Variants in TM2D3 observed in about 807,000 individuals in gnomAD.
TM2D3 encodes TM2 domain containing 3, also known as TM2 domain-containing protein 3.
Under a neutral mutation model 27.3 loss-of-function variants are expected in TM2D3, and 33 were observed. The observed-to-expected ratio is 1.21, with a 90% CI of 0.92 to 1.61. The LOEUF (loss-of-function observed/expected upper bound fraction) is 1.61. TM2D3 is among the 40% of genes most tolerant of loss of function. TM2D3 has a pLI of 0.00. For synonymous variants in TM2D3, 138 were observed against 122.2 expected, an observed-to-expected ratio of 1.13 and a Z score of -0.85; for missense variants, 364 against 320.8, an observed-to-expected ratio of 1.13 and a Z score of -1.03.
At chr15:101,643,400 AG>A (rs1274091997) in intron 5 of TM2D3, among the ~76,000 whole-genome samples, 2 of 151,998 alleles carry the variant, frequency 1.3e-5, no homozygotes, top group Admixed American at 1.3e-4. Flanking sequence ...CAGGAGATCC[AG>A]ACCATCCTGG....
rs772740323 is a variant in TM2D3 at position 101,646,769 on chromosome 15, C to T, written c.458G>A (p.Arg153His). ...SCMTVSCPRQRYPANCTVRDH... is the reference protein window; with the variant it reads ...SCMTVSCPRQHYPANCTVRDH... ...CCGCACCGTGCAGTTGGCAGGGTAG[C>T]GCTGCCGAGGACAGGACACCGTCAT... The change falls in exon 4 of 6, where the codon CGC becomes CAC. Residue 153 changes from arginine to histidine, a missense_variant. By Grantham distance (29) the Arg-to-His change is conservative. Coordinates refer to ENST00000333202, the MANE Select transcript of TM2D3 (RefSeq NM_078474.3). 3.7e-6 allele frequency: 6 copies of T among 1,614,160 alleles called. No homozygotes were observed. The highest frequency in any genetic ancestry group is 1.1e-5 in the South Asian group (1 of 91,088).
At chr15:101,648,288 G>T (rs1199324327) in intron 3 of TM2D3, 1 of 152,100 alleles carries the variant, frequency 6.6e-6, no homozygotes, top group Non-Finnish European at 1.5e-5. Flanking sequence ...TCCAACTTTG[G>T]CATATGCGCT....
At chr15:101,635,022 T>C (rs1028570207) in intron 4 of TM2D3, 1 of 152,128 alleles carries the variant, frequency 6.6e-6, no homozygotes, top group Non-Finnish European at 1.5e-5. Context: ...TAGCCCACCA[T>C]GGTGATGCAG....
intron 4 of TM2D3, chr15:101,634,798 T>C (rs1280414435): frequency 6.6e-6 from 1 of 152,234 alleles, no homozygotes; most frequent in African/African-American, 2.4e-5. Context: ...ATCTTGAAAA[T>C]GTCTTTGAGG....
chr15:101,643,626 A>T (rs1896728707), intron 5 of TM2D3, among the ~76,000 whole-genome samples: 7 of 111,142 alleles, frequency 6.3e-5, no homozygotes, highest in African/African-American at 2.5e-4. Context: ...AAAAAAAGCA[A>T]AAAAAAAAAA....
chr15:101,638,704 G>A (rs1269548788), downstream of TM2D3, among the ~76,000 whole-genome samples: 3 of 152,024 alleles, frequency 2.0e-5, no homozygotes, highest in Admixed American at 6.6e-5. Flanking sequence ...ATTTTTTGAC[G>A]TTTTTGGCAT....
In TM2D3 at chr15:101,650,117, C is replaced by T; in HGVS notation, c.214G>A (p.Gly72Ser). Residue 72 changes from glycine to serine, a missense_variant, in exon 3 of 6, where the codon GGT becomes AGT. Gly to Ser is a moderately conservative substitution (Grantham distance 56, BLOSUM62 0). Transcript: ENST00000333202. ...PPYVMKCPSN[G>S]LCSRLPADCI... ...TCTGCAGGAAGCCTGCTACACAAACCATTGCTCGGACACTTCATCACATAA... is the reference window on the plus strand; with the variant it reads ...TCTGCAGGAAGCCTGCTACACAAACTATTGCTCGGACACTTCATCACATAA... The T allele has an allele frequency of 6.2e-7, 1 of 1,614,100 alleles. No individual in the cohort carries two copies. The highest frequency in any genetic ancestry group is 8.5e-7 in the Non-Finnish European group (1 of 1,179,998).
In TM2D3 at chr15:101,651,788, C is replaced by A; in HGVS notation, c.92-15G>T. 6 of 1,613,768 alleles carry A rather than the reference C, an allele frequency of 3.7e-6. No individual in the cohort carries two copies. Among genetic ancestry groups the A allele is most frequent in the Non-Finnish European group, 5.1e-6 (6 of 1,179,718 alleles). ...CTGCGATTGCTCTAAATTTAAGGATCGTACAATTAGAGAAACACGTTATCC... is the reference window on the plus strand; with the variant it reads ...CTGCGATTGCTCTAAATTTAAGGATAGTACAATTAGAGAAACACGTTATCC... On this transcript the variant is annotated splice_polypyrimidine_tract_variant and intron_variant, in intron 1 of 5. Transcript: ENST00000333202.
At chr15:101,649,333 C>A (rs1338051487) in intron 3 of TM2D3, among the ~76,000 whole-genome samples, 1 of 151,980 alleles carries the variant, frequency 6.6e-6, no homozygotes, top group African/African-American at 2.4e-5. Context: ...CAGAAATCTC[C>A]AATTTTTAGG....
rs1596262517 is a variant in TM2D3 at position 101,642,492 on chromosome 15, G to C, written c.731C>G (p.Ser244Cys). 1.2e-6 allele frequency: 2 copies of C among 1,611,742 alleles called. No individual in the cohort carries two copies. Among genetic ancestry groups the C allele is most frequent in the Non-Finnish European group, 8.5e-7 (1 of 1,178,750 alleles). The change falls in exon 6 of 6, where the codon TCT (serine) becomes TGT (cysteine). Residue 244 changes from serine (S) to cysteine (C), a missense_variant. Ser to Cys is a moderately radical substitution (Grantham distance 112, BLOSUM62 -1). Coordinates refer to ENST00000333202, the MANE Select transcript of TM2D3 (RefSeq NM_078474.3). ...GVGYVGPADGSLYI is the reference protein window; with the variant it reads ...GVGYVGPADGCLYI ...CACACACCACAGCTAAATGTACAAA[G>C]AGCCATCTGCTGGTCCAACATAGCC... is the stretch of plus-strand genomic sequence containing the variant.
chr15:101,639,241 C>T (rs759546488), downstream of TM2D3, among the ~76,000 whole-genome samples: 2 of 152,076 alleles, frequency 1.3e-5, no homozygotes, highest in African/African-American at 4.8e-5. Flanking sequence ...GAAACGCATA[C>T]GATGTATATA....
chr15:101,648,432 A>G (rs2141367780), intron 3 of TM2D3: 1 of 152,302 alleles, frequency 6.6e-6, no homozygotes, highest in Middle Eastern at 3.4e-3. Flanking sequence ...ACATCTGCCT[A>G]TTTTCAGTGA....
Position 101,651,764 on chromosome 15 carries a change from T to C in TM2D3, c.101A>G (p.Gln34Arg), listed in dbSNP as rs2141371174. The C allele has an allele frequency of 6.2e-7, 1 of 1,614,126 alleles. No homozygotes were observed. The highest frequency in any genetic ancestry group is 2.2e-5 in the East Asian group (1 of 44,880). Residue 34 changes from glutamine (Q) to arginine (R), a missense_variant, in exon 2 of 6, where the codon CAG (glutamine) becomes CGG (arginine). Transcript: ENST00000333202. ...ATCCTTTATTGACTGAGCCAGCGCC[T>C]GCGATTGCTCTAAATTTAAGGATCG... is the stretch of plus-strand genomic sequence containing the variant. ...FCILSGGEQS[Q>R]ALAQSIKDPG... is the part of the protein sequence containing the mutation.
chr15:101,645,197 TA>T (rs1896774469), intron 4 of TM2D3, 35 bp from the exon 5 acceptor site: 1 of 1,511,780 alleles, frequency 6.6e-7, no homozygotes. Flanking sequence ...ATACAGGGTA[TA>T]AAAAATACTC....
Position 101,642,656 on chromosome 15 carries a change from A to G in TM2D3, c.579-12T>C. ...CACCGAGGGTGATGCTGCGATGGCA[A>G]ACAGACAGGATTCCATGAGACCACC... On this transcript the variant is annotated splice_polypyrimidine_tract_variant and intron_variant, in intron 5 of 5. Transcript: ENST00000333202. The G allele has an allele frequency of 1.3e-6, 2 of 1,586,310 alleles. No individual in the cohort carries two copies. Among genetic ancestry groups the G allele is most frequent in the Non-Finnish European group, 1.7e-6 (2 of 1,164,130 alleles).
At chr15:101,651,384 G>A in intron 2 of TM2D3, 1 of 314,578 alleles carries the variant, frequency 3.2e-6, no homozygotes, top group East Asian at 7.1e-5. Flanking sequence ...AGCAGTAGAG[G>A]AAATTTGCTG....
At chr15:101,649,927 A>G in intron 3 of TM2D3, 77 bp downstream of exon 3, 2 of 1,349,062 alleles carry the variant, frequency 1.5e-6, no homozygotes, top group East Asian at 2.4e-5. Flanking sequence ...TTTCTTCCCA[A>G]TAATCAAGTC....
At chr15:101,649,908 T>G in intron 3 of TM2D3, 96 bp downstream of exon 3, 1 of 1,190,244 alleles carries the variant, frequency 8.4e-7, no homozygotes, top group South Asian at 1.4e-5. Context: ...ATATAAAAAT[T>G]CTTCAGAATT....
chr15:101,640,658 G>C (rs1896645353), downstream of TM2D3, among the ~76,000 whole-genome samples: 1 of 152,172 alleles, frequency 6.6e-6, no homozygotes, highest in East Asian at 1.9e-4. Context: ...CTGTGTATGA[G>C]TTCATCGTTC....
Sources: allele counts gnomAD v4.1 joint callset (sites outside exome capture counted in the v4.1 genomes callset), GRCh38; gene constraint gnomAD v4.1.1; transcripts MANE v1.5; gene names NCBI Gene and HGNC (gene_info 2026-07-23, HGNC 2026-07-21).